Variants in NRXN1 observed in about 807,000 individuals in gnomAD.
The protein encoded by NRXN1 is neurexin 1.
Under a neutral mutation model 150.9 loss-of-function variants are expected in NRXN1, and 39 were observed. The ratio of observed to expected loss-of-function variants is 0.26; its 90% CI spans 0.20 to 0.34. NRXN1 has a LOEUF of 0.34. Among genes scored for constraint, NRXN1 ranks in the 10% least tolerant of loss-of-function variants. The pLI is 1.00. For synonymous variants in NRXN1, 924 were observed against 757.0 expected (o/e 1.22, Z -3.62); for missense variants, 1,815 against 1,949.9 (o/e 0.93, Z 1.30).
chr2:50,488,451 G>A (rs1415075565), intron 15 of NRXN1, among the ~76,000 whole-genome samples: 1 of 152,206 alleles, frequency 6.6e-6, no homozygotes, highest in Admixed American at 6.5e-5. Flanking sequence ...AAACTAGTGT[G>A]CAGAGCAGGA....
At chr2:50,684,966 T>C (rs879292574) in intron 5 of NRXN1, among the ~76,000 whole-genome samples, 11 of 152,178 alleles carry the variant, frequency 7.2e-5, no homozygotes, top group Admixed American at 4.6e-4. Flanking sequence ...AACTTGGAGA[T>C]CTAGATGATA....
intron 2 of NRXN1, among the ~76,000 whole-genome samples, chr2:50,989,102 T>C (rs890413798): frequency 7.9e-5 from 12 of 152,020 alleles, no homozygotes; most frequent in African/African-American, 2.9e-4. Context: ...ATATTCTAAA[T>C]TGGCAAATTT....
chr2:50,865,929 A>G (rs1043221878), intron 5 of NRXN1, among the ~76,000 whole-genome samples: 3 of 151,568 alleles, frequency 2.0e-5, no homozygotes, highest in Non-Finnish European at 4.4e-5. Flanking sequence ...ATAAAGTCTC[A>G]GACCTTGGAG....
At chr2:50,852,104 G>C (rs1674601074) in intron 5 of NRXN1, among the ~76,000 whole-genome samples, 1 of 152,184 alleles carries the variant, frequency 6.6e-6, no homozygotes, top group South Asian at 2.1e-4. Flanking sequence ...AATGGGCCAA[G>C]TTCTTGATAC....
At chr2:50,167,066 A>T (rs2059733360) in intron 18 of NRXN1, among the ~76,000 whole-genome samples, 1 of 152,174 alleles carries the variant, frequency 6.6e-6, no homozygotes, top group Non-Finnish European at 1.5e-5. Context: ...AATTCTCAAA[A>T]TATTTGTAAA....
intron 2 of NRXN1, among the ~76,000 whole-genome samples, chr2:50,931,441 T>C (rs1438615744): frequency 6.6e-6 from 1 of 152,102 alleles, no homozygotes. Context: ...TACATTTACA[T>C]GCAGTGTACA....
chr2:50,347,054 C>T lies in NRXN1; in HGVS notation c.3365-110084G>A. On this transcript the variant is annotated intron_variant, in intron 17 of 22. Coordinates refer to ENST00000401669, the MANE Select transcript of NRXN1 (RefSeq NM_001330078.2). This position sits in a 1 kb window ranked among gnomAD's most constrained non-coding sequence, Gnocchi z 4.9. The stretch of plus-strand genomic sequence containing the variant: ...GGCGGCGCGGAGTGGGCTGAGGGGC[C>T]GGCCGCCTCACCGCGCCAGGGCACC... The T allele has an allele frequency of 2.2e-6, 3 of 1,377,772 alleles. No individual in the cohort carries two copies. The highest frequency in any genetic ancestry group is 2.9e-6 in the Non-Finnish European group (3 of 1,050,990). 85.3% of individuals were successfully genotyped at this position (1,377,772 alleles called of 1,614,324 possible).
In NRXN1 at chr2:50,866,725, A is replaced by T. The variant is rs375522952; in HGVS notation, c.832+55144T>A. On this transcript the variant is annotated intron_variant, in intron 5 of 22. Transcript: ENST00000401669. ...TATATTATAAAAAGAAAGGACAAAAAAATTGGGTTAGTATTAGAGTTTATG... is the reference window on the plus strand; with the variant it reads ...TATATTATAAAAAGAAAGGACAAAATAATTGGGTTAGTATTAGAGTTTATG... Among the ~76,000 whole-genome samples the T allele has an allele frequency of 2.4e-4, 37 of 152,042 alleles. No homozygotes were observed. The East Asian group carries it at 5.1e-3, about 21-fold the overall frequency.
intron 8 of NRXN1, among the ~76,000 whole-genome samples, chr2:50,595,200 C>G (rs1476283842): frequency 1.3e-5 from 2 of 151,978 alleles, no homozygotes; most frequent in Admixed American, 6.6e-5. Flanking sequence ...GAGTATAAGA[C>G]ACTCGCCCAA....
At chr2:50,093,709 G>T (rs560219647) in intron 18 of NRXN1, among the ~76,000 whole-genome samples, 1 of 151,904 alleles carries the variant, frequency 6.6e-6, no homozygotes, top group Non-Finnish European at 1.5e-5. Flanking sequence ...ACATACGTAG[G>T]GCTCTATACA....
chr2:50,698,190 A>G (rs1396186042), intron 5 of NRXN1, among the ~76,000 whole-genome samples: 4 of 152,248 alleles, frequency 2.6e-5, no homozygotes, highest in Non-Finnish European at 5.9e-5. Context: ...GTAGGTGCTC[A>G]GTAGATATTC....
chr2:50,157,004 A>G (rs1391099653), intron 18 of NRXN1, among the ~76,000 whole-genome samples: 2 of 152,024 alleles, frequency 1.3e-5, no homozygotes, highest in African/African-American at 4.8e-5. Flanking sequence ...CTTTGTATGT[A>G]TTATCTTAGT....
At chr2:50,646,321 T>C (rs1009301002) in intron 5 of NRXN1, among the ~76,000 whole-genome samples, 43 of 152,070 alleles carry the variant, frequency 2.8e-4, no homozygotes, top group Admixed American at 2.6e-3. Flanking sequence ...CTTTTCTGCA[T>C]CCAGCAGCAC....
chr2:50,875,721 C>A (rs1678481478), intron 5 of NRXN1, among the ~76,000 whole-genome samples: 1 of 151,764 alleles, frequency 6.6e-6, no homozygotes, highest in Admixed American at 6.6e-5. Context: ...GATATCCAGG[C>A]ATAAAAGCCC....
intron 18 of NRXN1, among the ~76,000 whole-genome samples, chr2:50,188,153 T>G (rs971151758): frequency 6.6e-6 from 1 of 152,096 alleles, no homozygotes; most frequent in Non-Finnish European, 1.5e-5. Flanking sequence ...AAAACCAGCT[T>G]GATACTGATA....
At chr2:50,228,189 T>A in intron 18 of NRXN1, among the ~76,000 whole-genome samples, 1 of 152,078 alleles carries the variant, frequency 6.6e-6, no homozygotes, top group Middle Eastern at 3.2e-3. Flanking sequence ...ATCATTTATA[T>A]ATTAAAATGA....
intron 17 of NRXN1, among the ~76,000 whole-genome samples, chr2:50,307,683 G>C (rs561370900): frequency 6.6e-6 from 1 of 152,208 alleles, no homozygotes; most frequent in South Asian, 2.1e-4. Context: ...ACACCATCAA[G>C]TGACTATTTT....
chr2:50,288,837 C>T (rs970088177), intron 17 of NRXN1, among the ~76,000 whole-genome samples: 2 of 152,110 alleles, frequency 1.3e-5, no homozygotes, highest in Admixed American at 6.6e-5. Flanking sequence ...CAAACCATAT[C>T]TCCTTTTAAA....
At chr2:50,690,712 A>G (rs527628574) in intron 5 of NRXN1, among the ~76,000 whole-genome samples, 2 of 152,332 alleles carry the variant, frequency 1.3e-5, no homozygotes, top group East Asian at 3.9e-4. Context: ...ATCTTGTAGC[A>G]CAGACCTGAT....
Sources: allele counts gnomAD v4.1 joint callset (sites outside exome capture counted in the v4.1 genomes callset), GRCh38; gene constraint gnomAD v4.1.1; non-coding constraint Gnocchi (gnomAD v3.1); transcripts MANE v1.5; gene names NCBI Gene and HGNC (gene_info 2026-07-23, HGNC 2026-07-21).